PRKAR2B: variants seen among roughly 807,000 people sequenced by gnomAD.
PRKAR2B encodes the protein protein kinase cAMP-dependent type II regulatory subunit beta.
Under a neutral mutation model 49.9 loss-of-function variants are expected in PRKAR2B, and 14 were observed. The observed-to-expected ratio is 0.28, with a 90% confidence interval of 0.19 to 0.44. The LOEUF is 0.44. PRKAR2B is among the 20% of genes least tolerant of loss of function. PRKAR2B has a pLI of 1.00. For synonymous variants in PRKAR2B, 196 were observed against 197.7 expected (o/e 0.99, Z 0.07); for missense variants, 393 against 537.9 (o/e 0.73, Z 2.67).
chr7:107,046,074 A>G (rs1793687358), intron 1 of PRKAR2B, among the ~76,000 whole-genome samples: 1 of 152,214 alleles, frequency 6.6e-6, no homozygotes, highest in African/African-American at 2.4e-5. Flanking sequence ...ATGGGAAAGA[A>G]AAAGGAATTT....
At chr7:107,132,561 A>G (rs1795622149) in intron 4 of PRKAR2B, among the ~76,000 whole-genome samples, 1 of 152,136 alleles carries the variant, frequency 6.6e-6, no homozygotes, top group African/African-American at 2.4e-5. Context: ...GGACAGACAG[A>G]AAAGAATGGT....
intron 2 of PRKAR2B, among the ~76,000 whole-genome samples, chr7:107,103,636 C>T (rs1358347404): frequency 6.6e-6 from 1 of 152,218 alleles, no homozygotes; most frequent in Non-Finnish European, 1.5e-5. Flanking sequence ...ATAAACTCTA[C>T]AAGCCTCCAT....
chr7:107,102,812 A>G (rs906476320), intron 2 of PRKAR2B, among the ~76,000 whole-genome samples: 6 of 152,076 alleles, frequency 3.9e-5, no homozygotes, highest in Non-Finnish European at 8.8e-5. Context: ...CTGGGATTAC[A>G]GGCGCCCGCC....
Position 107,160,512 on chromosome 7 carries a change from T to C in PRKAR2B, c.*930T>C, listed in dbSNP as rs1467073096. On this transcript the variant is annotated 3_prime_UTR_variant, in exon 11 of 11. Transcript: ENST00000265717. ...TCCTTATCAGCATGCCCACAGTTTATTTCTTTGTTCTTCACTAGGCCTGCA... is the reference window on the plus strand; with the variant it reads ...TCCTTATCAGCATGCCCACAGTTTACTTCTTTGTTCTTCACTAGGCCTGCA... The C allele has an allele frequency of 6.6e-6, 1 of 152,200 alleles. No individual in the cohort carries two copies. The highest frequency in any genetic ancestry group is 2.4e-5 in the African/African-American group (1 of 41,452). The allele number at this position is 152,200 out of a possible 1,614,324, so 9.4% of individuals were successfully genotyped here. A position where few individuals can be genotyped will look rare whatever the true frequency, so the allele number is the denominator to read the frequency against.
rs75935736 is a variant in PRKAR2B, at chr7:107,127,289, G to C, written c.397-923G>C. Among the ~76,000 whole-genome samples the C allele has an allele frequency of 3.7e-3, 565 of 152,268 alleles. 3 individuals carry two copies. Among genetic ancestry groups the C allele is most frequent in the African/African-American group, 0.013 (538 of 41,534 alleles). On this transcript the variant is annotated intron_variant, in intron 3 of 10. Transcript: ENST00000265717. ...AGTGAGCATTGGAATAGGAAAGGGT[G>C]GTGTGTAGGTCTTCAGGAAAACCAA...
At chr7:107,114,640 G>T (rs976689892) in intron 2 of PRKAR2B, among the ~76,000 whole-genome samples, 4 of 151,688 alleles carry the variant, frequency 2.6e-5, no homozygotes, top group African/African-American at 9.7e-5. Context: ...AAAGTGCTGG[G>T]ATTACTGACG....
At chr7:107,073,572 C>G (rs1014139564) in intron 2 of PRKAR2B, among the ~76,000 whole-genome samples, 4 of 152,098 alleles carry the variant, frequency 2.6e-5, no homozygotes, top group Non-Finnish European at 5.9e-5. Context: ...ATGAGTTCCA[C>G]AAAACATGAT....
intron 1 of PRKAR2B, among the ~76,000 whole-genome samples, chr7:107,055,733 A>G (rs1584402466): frequency 6.6e-6 from 1 of 152,234 alleles, no homozygotes; most frequent in African/African-American, 2.4e-5. Flanking sequence ...AGATGAGTAG[A>G]TTGCAAAAAT....
chr7:107,081,194 GTTAAC>G (rs1794508598), intron 2 of PRKAR2B, among the ~76,000 whole-genome samples: 4 of 152,050 alleles, frequency 2.6e-5, no homozygotes. Flanking sequence ...CCAAATTTGG[GTTAAC>G]TTAACATTGT....
chr7:107,053,821 A>G (rs1273085753), intron 1 of PRKAR2B, among the ~76,000 whole-genome samples: 1 of 152,144 alleles, frequency 6.6e-6, no homozygotes, highest in African/African-American at 2.4e-5. Context: ...AGGAATCAGT[A>G]AATTATGGAA....
rs79539655 is a variant in PRKAR2B at position 107,065,322 on chromosome 7, A to G, written c.308-4959A>G. Among the ~76,000 whole-genome samples the G allele has an allele frequency of 6.2e-3, 896 of 143,882 alleles. 11 individuals are homozygous for G. Among genetic ancestry groups the G allele is most frequent in the African/African-American group, 0.019 (755 of 39,496 alleles). 94.4% of individuals were successfully genotyped at this position (143,882 alleles called of 152,430 possible). ...ATTTTTGTTTGCTCGGGGTGTGTGT[A>G]TGTGTGTGTGTGTGTGTGTGTGTGT... On this transcript the variant is annotated intron_variant, in intron 1 of 10. Coordinates refer to ENST00000265717, the MANE Select transcript of PRKAR2B (RefSeq NM_002736.3).
chr7:107,119,990 A>C (rs1163970752), intron 2 of PRKAR2B, among the ~76,000 whole-genome samples: 1 of 152,196 alleles, frequency 6.6e-6, no homozygotes. Flanking sequence ...TTTGGAGTCA[A>C]GACACACAAT....
intron 1 of PRKAR2B, among the ~76,000 whole-genome samples, chr7:107,053,906 G>A (rs992420795): frequency 4.2e-4 from 64 of 152,140 alleles, no homozygotes; most frequent in African/African-American, 1.5e-3. Flanking sequence ...GAGTATTTCA[G>A]GTTATTTTGT....
rs764333686 is a variant in PRKAR2B at position 107,153,254 on chromosome 7, A to G, written c.918+3A>G. ...ATGGAGAACAAATCATTGCTCAGGTATGATATTTTGAAATGTAATTCAGTT... is the reference window on the plus strand; with the variant it reads ...ATGGAGAACAAATCATTGCTCAGGTGTGATATTTTGAAATGTAATTCAGTT... On this transcript the variant is annotated splice_donor_region_variant and intron_variant, in intron 8 of 10. Coordinates refer to ENST00000265717, the MANE Select transcript of PRKAR2B (RefSeq NM_002736.3). 2 of 1,594,954 alleles carry G rather than the reference A, an allele frequency of 1.3e-6. No individual in the cohort carries two copies. Among genetic ancestry groups the G allele is most frequent in the Admixed American group, 1.7e-5 (1 of 58,232 alleles).
rs1458803698 is a variant in PRKAR2B at position 107,101,896 on chromosome 7, T to C, written c.344-20056T>C. Among the ~76,000 whole-genome samples, 54 of 149,696 alleles carry C rather than the reference T, an allele frequency of 3.6e-4. 4 individuals carry two copies. Among genetic ancestry groups the C allele is most frequent in the African/African-American group, 1.1e-3 (44 of 41,102 alleles). On this transcript the variant is annotated intron_variant, in intron 2 of 10. Coordinates refer to ENST00000265717, the MANE Select transcript of PRKAR2B (RefSeq NM_002736.3). ...GATCCTTTTTTTTTTTTTTTTTTTTTTTCCAGTTTTGTTTAGTTTCCTCAT... is the reference window on the plus strand; with the variant it reads ...GATCCTTTTTTTTTTTTTTTTTTTTCTTCCAGTTTTGTTTAGTTTCCTCAT...
At chr7:107,095,045 A>G (rs556284410) in intron 2 of PRKAR2B, among the ~76,000 whole-genome samples, 4 of 152,282 alleles carry the variant, frequency 2.6e-5, no homozygotes, top group South Asian at 4.1e-4. Flanking sequence ...CTGTGAAGGA[A>G]GTCATTGGTA....
chr7:107,070,822 A>G (rs1489189655), intron 2 of PRKAR2B, among the ~76,000 whole-genome samples: 1 of 152,214 alleles, frequency 6.6e-6, no homozygotes, highest in Admixed American at 6.5e-5. Flanking sequence ...ACTTGTCATT[A>G]TGGGACCATT....
chr7:107,110,819 A>T (rs1795156976), intron 2 of PRKAR2B, among the ~76,000 whole-genome samples: 1 of 152,144 alleles, frequency 6.6e-6, no homozygotes, highest in Non-Finnish European at 1.5e-5. Context: ...TGCTGGCTTC[A>T]GGTGAGACTT....
chr7:107,111,537 C>G (rs1795172495), intron 2 of PRKAR2B, among the ~76,000 whole-genome samples: 1 of 152,132 alleles, frequency 6.6e-6, no homozygotes, highest in Non-Finnish European at 1.5e-5. Flanking sequence ...CAGAGAGAGT[C>G]TCTGTGTTTG....
Sources: gnomAD v4.1 joint callset for allele counts (sites outside exome capture counted in the v4.1 genomes callset) on GRCh38, gnomAD v4.1.1 for gene constraint, MANE v1.5 for transcripts, NCBI Gene and HGNC (gene_info 2026-07-23, HGNC 2026-07-21) for gene names.